The following ARHGEF28 variants were observed in gnomAD, a reference collection of about 807,000 sequenced individuals.
The protein encoded by ARHGEF28 is Rho guanine nucleotide exchange factor 28.
Under a neutral mutation model 206.6 loss-of-function variants are expected in ARHGEF28, and 152 were observed. The ratio of observed to expected loss-of-function variants is 0.74; its 90% confidence interval spans 0.64 to 0.84. The LOEUF (loss-of-function observed/expected upper bound fraction) is 0.84. Among genes scored for constraint, ARHGEF28 ranks in the 40% least tolerant of loss-of-function variants. The pLI is 0.00. For synonymous variants in ARHGEF28, 763 were observed against 776.4 expected (o/e 0.98, Z 0.29); for missense variants, 2,028 against 2,073.2 (o/e 0.98, Z 0.42).
In ARHGEF28 at chr5:73,753,089, C is replaced by T. The variant is rs1339081192; in HGVS notation, c.362C>T (p.Pro121Leu). ...TGCAGCCACCAGACCCTGCTGACCC[C>T]ATTTGCCTTGACGGCAGGAGCACTG... ...TACSHQTLLT[P>L]FALTAGALPA... The change falls in exon 4 of 36, where the codon CCA becomes CTA. Residue 121 changes from proline (P) to leucine (L), a missense_variant. By Grantham distance (98) the Pro-to-Leu change is moderately conservative. Transcript: ENST00000513042. The T allele has an allele frequency of 2.5e-6, 4 of 1,606,032 alleles. No individual in the cohort carries two copies. In the Admixed American group the frequency reaches 6.7e-5, roughly 27 times the overall value.
At chr5:73,652,073 G>T (rs533171457) in intron 1 of ARHGEF28, among the ~76,000 whole-genome samples, 1 of 152,152 alleles carries the variant, frequency 6.6e-6, no homozygotes, top group African/African-American at 2.4e-5. Context: ...AAAGTTTTGG[G>T]GTTGCAAAGA....
chr5:73,812,324 G>A (rs1755889346), intron 9 of ARHGEF28, among the ~76,000 whole-genome samples: 1 of 152,110 alleles, frequency 6.6e-6, no homozygotes, highest in African/African-American at 2.4e-5. Context: ...AGAAATGAAT[G>A]TTAATTAAGA....
intron 2 of ARHGEF28, among the ~76,000 whole-genome samples, chr5:73,698,308 C>T (rs1332455368): frequency 1.3e-5 from 2 of 152,102 alleles, no homozygotes; most frequent in African/African-American, 4.8e-5. Flanking sequence ...CTTTTAATTT[C>T]TCTGTAACAT....
chr5:73,773,046 C>G (rs554161759), intron 4 of ARHGEF28, among the ~76,000 whole-genome samples: 48 of 152,334 alleles, frequency 3.2e-4, no homozygotes, highest in Non-Finnish European at 5.9e-4. Flanking sequence ...TAAATACACA[C>G]AAACCGTAGA....
chr5:73,767,282 C>G (rs1482522595), intron 4 of ARHGEF28, among the ~76,000 whole-genome samples: 1 of 151,996 alleles, frequency 6.6e-6, no homozygotes, highest in Non-Finnish European at 1.5e-5. Context: ...TGAACAGATA[C>G]CTGAAAATGT....
rs2973563 is a variant in ARHGEF28, at chr5:73,857,929, A to C, written c.1914+150A>C. ...GGAATATTGCTAAAGCCCAGAATAT[A>C]ACATTTAGGTGTTATGGTGTCCCTC... On this transcript the variant is annotated intron_variant, in intron 15 of 35. Transcript: ENST00000513042. The C allele has an allele frequency of 0.54, 738,696 of 1,356,486 alleles. 204,205 individuals are homozygous for C. Among genetic ancestry groups the C allele is most frequent in the African/African-American group, 0.74 (50,110 of 67,906 alleles). The allele number at this position is 1,356,486 out of a possible 1,614,324, so 84.0% of individuals were successfully genotyped here.
At chr5:73,879,324 G>T (rs1168738502) in intron 22 of ARHGEF28, among the ~76,000 whole-genome samples, 5 of 151,980 alleles carry the variant, frequency 3.3e-5, no homozygotes, top group African/African-American at 4.8e-5. Flanking sequence ...TTATACATTC[G>T]TCTAAATTTT....
chr5:73,833,692 T>A (rs1207303940), intron 10 of ARHGEF28, among the ~76,000 whole-genome samples: 1 of 152,290 alleles, frequency 6.6e-6, no homozygotes, highest in South Asian at 2.1e-4. Flanking sequence ...CTGGGTAATT[T>A]CTAAAGAAAA....
chr5:73,825,374 G>A (rs1466596014), intron 9 of ARHGEF28, among the ~76,000 whole-genome samples: 2 of 152,204 alleles, frequency 1.3e-5, no homozygotes, highest in African/African-American at 4.8e-5. Flanking sequence ...GGAGCAGCAA[G>A]TGCAAGTGGC....
At chr5:73,656,983 A>T (rs1745248156) in intron 1 of ARHGEF28, among the ~76,000 whole-genome samples, 1 of 152,002 alleles carries the variant, frequency 6.6e-6, no homozygotes, top group South Asian at 2.1e-4. Context: ...ATCCTGGCTA[A>T]CATGGTGAAA....
chr5:73,920,248 A>G (rs1436588492), intron 35 of ARHGEF28, among the ~76,000 whole-genome samples: 1 of 152,226 alleles, frequency 6.6e-6, no homozygotes, highest in Non-Finnish European at 1.5e-5. Context: ...GTTAGATAGC[A>G]TTCTTAAAAT....
intron 18 of ARHGEF28, among the ~76,000 whole-genome samples, chr5:73,866,577 G>A (rs1000417475): frequency 2.0e-5 from 3 of 152,116 alleles, no homozygotes; most frequent in Non-Finnish European, 4.4e-5. Flanking sequence ...GATCTCATTA[G>A]CTCCTTTAGA....
intron 1 of ARHGEF28, among the ~76,000 whole-genome samples, chr5:73,636,613 TGG>T (rs143570531): frequency 0.024 from 3,621 of 152,256 alleles, 158 homozygotes; most frequent in African/African-American, 0.082. Context: ...TTCATCATAG[TGG>T]GGTAGTAGAG....
chr5:73,782,121 T>C (rs760661029), intron 7 of ARHGEF28, among the ~76,000 whole-genome samples: 14 of 132,916 alleles, frequency 1.1e-4, no homozygotes, highest in Non-Finnish European at 2.0e-4. Flanking sequence ...ACTCTTTACC[T>C]GCATGTTTGT....
intron 22 of ARHGEF28, among the ~76,000 whole-genome samples, chr5:73,873,716 G>A (rs1760259239): frequency 6.6e-6 from 1 of 152,150 alleles, no homozygotes; most frequent in African/African-American, 2.4e-5. Flanking sequence ...AGAAAATGGG[G>A]GAGTTATGCT....
chr5:73,703,629 A>G (rs1005257394), intron 2 of ARHGEF28, among the ~76,000 whole-genome samples: 1 of 150,246 alleles, frequency 6.7e-6, no homozygotes, highest in Non-Finnish European at 1.5e-5. Flanking sequence ...AAAAATTTCT[A>G]CTTATCCTTT....
In ARHGEF28 at chr5:73,770,542, G is replaced by A. The variant is rs185140666; in HGVS notation, c.476-3313G>A. On this transcript the variant is annotated intron_variant, in intron 4 of 35. Coordinates refer to ENST00000513042, the MANE Select transcript of ARHGEF28 (RefSeq NM_001177693.2). The stretch of plus-strand genomic sequence containing the variant: ...AGGAAGAGACATTTATTTAGTTTAA[G>A]AAATTATTTTAAACACTCCCACCTC... Among the ~76,000 whole-genome samples the A allele has an allele frequency of 3.3e-5, 5 of 152,170 alleles. No homozygotes were observed. In the South Asian group the frequency reaches 6.2e-4, roughly 19 times the overall value.
At chr5:73,716,079 A>C (rs1426175363) in intron 2 of ARHGEF28, among the ~76,000 whole-genome samples, 1 of 152,186 alleles carries the variant, frequency 6.6e-6, no homozygotes, top group Non-Finnish European at 1.5e-5. Flanking sequence ...GACCAATGTA[A>C]ATTTAATTTA....
At chr5:73,760,156 A>G (rs1752529689) in intron 4 of ARHGEF28, among the ~76,000 whole-genome samples, 1 of 152,224 alleles carries the variant, frequency 6.6e-6, no homozygotes, top group Non-Finnish European at 1.5e-5. Flanking sequence ...GCTGGCCCAC[A>G]GATGAAGTAA....
Sources: allele counts gnomAD v4.1 joint callset (sites outside exome capture counted in the v4.1 genomes callset), GRCh38; gene constraint gnomAD v4.1.1; transcripts MANE v1.5; gene names NCBI Gene and HGNC (gene_info 2026-07-23, HGNC 2026-07-21).